Variants in GPR158 observed in about 807,000 individuals in gnomAD.
GPR158 encodes G protein-coupled receptor 158.
GPR158 carries 30 observed loss-of-function variants against 78.2 expected under a neutral mutation model. That is an observed-to-expected ratio of 0.38 (90% CI 0.29 to 0.52). The LOEUF is 0.52. GPR158 is among the 20% of genes least tolerant of loss of function. The pLI, the probability that GPR158 is intolerant of heterozygous loss-of-function variation, is 0.83. For synonymous variants in GPR158, 581 were observed against 591.1 expected (o/e 0.98, Z 0.25); for missense variants, 1,463 against 1,523.5 (o/e 0.96, Z 0.66).
At chr10:25,373,095 T>C (rs1282283690) in intron 2 of GPR158, among the ~76,000 whole-genome samples, 1 of 151,926 alleles carries the variant, frequency 6.6e-6, no homozygotes, top group East Asian at 1.9e-4. Context: ...GTGGTGCATA[T>C]GTGCTGTGGA....
intron 6 of GPR158, among the ~76,000 whole-genome samples, chr10:25,565,610 A>AAGAT (rs1836918937): frequency 1.3e-5 from 2 of 152,152 alleles, no homozygotes; most frequent in African/African-American, 4.8e-5. Context: ...TGAGAGTAAG[A>AAGAT]AGATAGGAGT....
chr10:25,564,985 C>T (rs1213823162), intron 6 of GPR158, among the ~76,000 whole-genome samples: 1 of 152,098 alleles, frequency 6.6e-6, no homozygotes, highest in Non-Finnish European at 1.5e-5. Flanking sequence ...AGGTAGATAA[C>T]TGCCATTTTC....
intron 1 of GPR158, among the ~76,000 whole-genome samples, chr10:25,191,869 G>GT (rs556207176): frequency 1.3e-5 from 2 of 152,068 alleles, no homozygotes; most frequent in African/African-American, 2.4e-5. Flanking sequence ...TTTTTTTGGG[G>GT]TTTTTTGTTT....
intron 7 of GPR158, among the ~76,000 whole-genome samples, chr10:25,577,788 G>A (rs1837123491): frequency 6.6e-6 from 1 of 152,072 alleles, no homozygotes. Context: ...GGGGGAAAAT[G>A]GTTTTCAGAA....
At chr10:25,208,276 C>G (rs1415850546) in intron 1 of GPR158, among the ~76,000 whole-genome samples, 1 of 152,034 alleles carries the variant, frequency 6.6e-6, no homozygotes, top group Non-Finnish European at 1.5e-5. Context: ...CCTGATTTTA[C>G]TTTAATTTTA....
chr10:25,474,624 T>C (rs947329648), intron 5 of GPR158, among the ~76,000 whole-genome samples: 3 of 152,204 alleles, frequency 2.0e-5, no homozygotes, highest in African/African-American at 7.2e-5. Flanking sequence ...TATTTGATAA[T>C]GTCATTCTCT....
intron 2 of GPR158, among the ~76,000 whole-genome samples, chr10:25,232,292 T>TG (rs1853459012): frequency 2.0e-5 from 3 of 152,244 alleles, no homozygotes; most frequent in South Asian, 2.1e-4. Context: ...TTAACTTATG[T>TG]GGGAAAAAAA....
chr10:25,306,692 T>A (rs2130456025), intron 2 of GPR158, among the ~76,000 whole-genome samples: 1 of 152,338 alleles, frequency 6.6e-6, no homozygotes, highest in East Asian at 1.9e-4. Flanking sequence ...TGAACTACCT[T>A]TATCTATTAC....
At chr10:25,517,057 C>T (rs1449835832) in intron 5 of GPR158, among the ~76,000 whole-genome samples, 3 of 149,684 alleles carry the variant, frequency 2.0e-5, no homozygotes, top group Non-Finnish European at 4.4e-5. Flanking sequence ...TGAGCAGTGG[C>T]TTGTAGTTCT....
At chr10:25,254,096 C>G (rs1853855599) in intron 2 of GPR158, among the ~76,000 whole-genome samples, 1 of 152,104 alleles carries the variant, frequency 6.6e-6, no homozygotes, top group East Asian at 1.9e-4. Flanking sequence ...GTGGCTAACA[C>G]CTAAGAAATG....
intron 2 of GPR158, among the ~76,000 whole-genome samples, chr10:25,349,413 G>A (rs1236236767): frequency 1.6e-5 from 2 of 127,868 alleles, no homozygotes; most frequent in East Asian, 2.0e-4. Flanking sequence ...TCGGCTCTGT[G>A]TCCCCACCAA....
chr10:25,330,553 ACTCTGATTT>A (rs1855103759), intron 2 of GPR158, among the ~76,000 whole-genome samples: 1 of 152,146 alleles, frequency 6.6e-6, no homozygotes, highest in Admixed American at 6.5e-5. Flanking sequence ...TCCTGTTATC[ACTCTGATTT>A]GATTATGTTT....
chr10:25,245,708 T>G (rs1178609414), intron 2 of GPR158, among the ~76,000 whole-genome samples: 1 of 152,204 alleles, frequency 6.6e-6, no homozygotes, highest in East Asian at 1.9e-4. Context: ...TTAATTAATC[T>G]CAACATAGAG....
At chr10:25,512,791 T>A (rs1202086916) in intron 5 of GPR158, among the ~76,000 whole-genome samples, 1 of 152,168 alleles carries the variant, frequency 6.6e-6, no homozygotes, top group Non-Finnish European at 1.5e-5. Context: ...GACATGATCA[T>A]GTGATTTTTG....
intron 2 of GPR158, among the ~76,000 whole-genome samples, chr10:25,344,221 C>T (rs1773647): frequency 0.61 from 92,081 of 151,360 alleles, 29,981 homozygotes; most frequent in Non-Finnish European, 0.75. Flanking sequence ...TGTTTTATTT[C>T]GCGTTGGGGC....
chr10:25,384,159 A>G (rs546233743), intron 2 of GPR158, among the ~76,000 whole-genome samples: 179 of 152,280 alleles, frequency 1.2e-3, no homozygotes, highest in African/African-American at 4.1e-3. Context: ...AGTTGTAACT[A>G]TGATTTGAAA....
chr10:25,311,143 T>C (rs892324313), intron 2 of GPR158, among the ~76,000 whole-genome samples: 1 of 152,026 alleles, frequency 6.6e-6, no homozygotes, highest in African/African-American at 2.4e-5. Flanking sequence ...TAGTTTCTTT[T>C]CTTTCTCAGT....
At chr10:25,192,766 A>T (rs1170871277) in intron 1 of GPR158, among the ~76,000 whole-genome samples, 3 of 148,244 alleles carry the variant, frequency 2.0e-5, no homozygotes, top group Non-Finnish European at 2.9e-5. Context: ...AAGTATAATA[A>T]AAAAAAGGTA....
At chr10:25,322,234 A>G (rs1268974021) in intron 2 of GPR158, among the ~76,000 whole-genome samples, 1 of 152,134 alleles carries the variant, frequency 6.6e-6, no homozygotes, top group Non-Finnish European at 1.5e-5. Flanking sequence ...ACAAAAAATT[A>G]GCCAGGCATA....
Sources: allele counts gnomAD v4.1 joint callset (sites outside exome capture counted in the v4.1 genomes callset), GRCh38; gene constraint gnomAD v4.1.1; transcripts MANE v1.5; gene names NCBI Gene and HGNC (gene_info 2026-07-23, HGNC 2026-07-21).